Variants in NPY2R observed in about 807,000 individuals in gnomAD.
The protein encoded by NPY2R is neuropeptide Y receptor Y2.
In NPY2R, 17 loss-of-function variants were observed where a neutral mutation model predicts 22.3. The ratio of observed to expected loss-of-function variants is 0.76; its 90% CI spans 0.52 to 1.14. NPY2R has a LOEUF of 1.14. Ranked by LOEUF, NPY2R falls within the 50% of genes most tolerant of loss-of-function variation. The probability of loss-of-function intolerance (pLI) is 0.00; values close to 1 mark genes in which losing one functional copy is unlikely to be tolerated. For synonymous variants in NPY2R, 209 were observed against 183.4 expected, an observed-to-expected ratio of 1.14 and a Z score of -1.13; for missense variants, 424 against 467.9, an observed-to-expected ratio of 0.91 and a Z score of 0.87.
the NPY2R span, among the ~76,000 whole-genome samples, chr4:155,189,502 A>G: frequency 2.0e-5 from 3 of 152,010 alleles, no homozygotes; most frequent in Admixed American, 2.0e-4. Context: ...ACCTTGTGAC[A>G]TAATTAATTT....
the NPY2R span, among the ~76,000 whole-genome samples, chr4:155,176,905 A>C: frequency 1.3e-5 from 2 of 152,120 alleles, no homozygotes; most frequent in African/African-American, 4.8e-5. Flanking sequence ...GAGGATGAAC[A>C]CTGTGTTCCC....
chr4:155,174,484 A>ATAT, the NPY2R span, among the ~76,000 whole-genome samples: 270 of 106,074 alleles, frequency 2.5e-3, 3 homozygotes, highest in African/African-American at 7.7e-3. Context: ...ATATATATAT[A>ATAT]TTTTTTTTTT....
chr4:155,180,245 C>A, the NPY2R span, among the ~76,000 whole-genome samples: 4 of 152,214 alleles, frequency 2.6e-5, no homozygotes, highest in East Asian at 1.9e-4. Flanking sequence ...CACATGGAAG[C>A]AGAAATGCTG....
the NPY2R span, among the ~76,000 whole-genome samples, chr4:155,203,100 G>T: frequency 6.6e-6 from 1 of 152,066 alleles, no homozygotes; most frequent in Non-Finnish European, 1.5e-5. Context: ...TCAGCAACAT[G>T]CTGCATATGT....
At chr4:155,200,355 A>T in the NPY2R span, among the ~76,000 whole-genome samples, 2 of 147,680 alleles carry the variant, frequency 1.4e-5, no homozygotes, top group East Asian at 2.0e-4. Flanking sequence ...GTTAAGAAAC[A>T]ATAGATGCTG....
chr4:155,203,898 C>T (rs1729235336), upstream of NPY2R, among the ~76,000 whole-genome samples: 1 of 152,064 alleles, frequency 6.6e-6, no homozygotes, highest in Admixed American at 6.6e-5. Flanking sequence ...TTTGTTTAAC[C>T]TAAGAAGTTA....
the NPY2R span, among the ~76,000 whole-genome samples, chr4:155,199,671 A>G: frequency 6.6e-6 from 1 of 152,118 alleles, no homozygotes; most frequent in Non-Finnish European, 1.5e-5. Flanking sequence ...AAACAGAAAT[A>G]TAGACCAATG....
the NPY2R span, among the ~76,000 whole-genome samples, chr4:155,199,539 A>G: frequency 3.3e-5 from 5 of 152,148 alleles, no homozygotes; most frequent in African/African-American, 9.7e-5. Context: ...TATGGAACCA[A>G]AAAAGAGCCC....
chr4:155,196,825 A>G, the NPY2R span, among the ~76,000 whole-genome samples: 26 of 151,998 alleles, frequency 1.7e-4, no homozygotes, highest in South Asian at 3.3e-3. Flanking sequence ...ACCTCCGGTG[A>G]TTCTAATGTG....
At position 155,215,316 on chromosome 4, in the gene NPY2R, G is replaced by A. The variant is rs1032740059; in HGVS notation, c.*231G>A. 3.0e-5 allele frequency: 18 copies of A among 610,136 alleles called. 1 individual carries two copies. The South Asian group carries it at 3.2e-4, about 11-fold the overall frequency. The allele number at this position is 610,136 out of a possible 1,614,324, so 37.8% of individuals were successfully genotyped here. A position where few individuals can be genotyped will look rare whatever the true frequency, so the allele number is the denominator to read the frequency against. ...TACTTAACAGTTGGTTGGGTAGTAG[G>A]TTGCATTATGAGTAAAAGCAGAGAG... On this transcript the variant is annotated 3_prime_UTR_variant, in exon 2 of 2. Transcript: ENST00000329476.
the NPY2R span, among the ~76,000 whole-genome samples, chr4:155,201,182 C>T: frequency 2.6e-5 from 4 of 152,186 alleles, no homozygotes; most frequent in Admixed American, 2.6e-4. Context: ...TATTCCTCTT[C>T]TCCCTTTGTA....
At chr4:155,200,610 C>T in the NPY2R span, among the ~76,000 whole-genome samples, 8,604 of 152,106 alleles carry the variant, frequency 0.057, 513 homozygotes, top group African/African-American at 0.16. Flanking sequence ...ACCCAAATGT[C>T]CATGAATGAT....
the NPY2R span, among the ~76,000 whole-genome samples, chr4:155,199,835 A>C: frequency 2.0e-5 from 3 of 152,278 alleles, no homozygotes; most frequent in South Asian, 6.2e-4. Flanking sequence ...CCCCTTCCTT[A>C]CACCTTATAC....
intron 1 of NPY2R, among the ~76,000 whole-genome samples, chr4:155,210,924 T>C (rs539226882): frequency 2.6e-5 from 4 of 152,294 alleles, no homozygotes; most frequent in African/African-American, 9.6e-5. Flanking sequence ...TTATGGGTTA[T>C]ACTGACAATT....
upstream of NPY2R, chr4:155,208,248 A>T (rs1298941084): frequency 6.6e-6 from 1 of 152,166 alleles, no homozygotes; most frequent in Non-Finnish European, 1.5e-5. The surrounding 1 kb of genome is among the most constrained non-coding windows in gnomAD (Gnocchi z 5.6). Context: ...AGGCGCGGGG[A>T]TTCTCCAGCC....
chr4:155,207,377 C>T (rs1474642668), upstream of NPY2R: 1 of 152,050 alleles, frequency 6.6e-6, no homozygotes, highest in East Asian at 1.9e-4. Flanking sequence ...AGAGAAATTC[C>T]AAGCACACCA....
Position 155,215,344 on chromosome 4 carries a change from G to A in NPY2R, c.*259G>A, listed in dbSNP as rs1729494161. The A allele has an allele frequency of 1.8e-6, 1 of 556,494 alleles. No homozygotes were observed. The highest frequency in any genetic ancestry group is 3.1e-5 in the Admixed American group (1 of 32,284). 34.5% of individuals were successfully genotyped at this position (556,494 alleles called of 1,614,324 possible). A position where few individuals can be genotyped will look rare whatever the true frequency, so the allele number is the denominator to read the frequency against. ...GCATTATGAGTAAAAGCAGAGAGAA[G>A]TACTTTTGATTATTTTCCTGGAGTG... On this transcript the variant is annotated 3_prime_UTR_variant, in exon 2 of 2. Coordinates refer to ENST00000329476, the MANE Select transcript of NPY2R (RefSeq NM_000910.4).
chr4:155,212,958 A>T lies in NPY2R; in HGVS notation c.-48-934A>T, dbSNP rs115789027. Among the ~76,000 whole-genome samples the T allele has an allele frequency of 2.6e-3, 397 of 152,372 alleles. 2 individuals carry two copies. Among genetic ancestry groups the T allele is most frequent in the Middle Eastern group, 0.01 (3 of 294 alleles). On this transcript the variant is annotated intron_variant, in intron 1 of 1. Coordinates refer to ENST00000329476, the MANE Select transcript of NPY2R (RefSeq NM_000910.4). ...ATGGAATACTACTCAGCTGTAAAAA[A>T]GAATGATATGATGTCTTTTGCAACA...
the NPY2R span, among the ~76,000 whole-genome samples, chr4:155,177,238 T>C: frequency 6.6e-6 from 1 of 152,204 alleles, no homozygotes; most frequent in Admixed American, 6.5e-5. Flanking sequence ...CAAAGGTGTG[T>C]TTCTTTCTTA....
Sources: gnomAD v4.1 joint callset for allele counts (sites outside exome capture counted in the v4.1 genomes callset) on GRCh38, gnomAD v4.1.1 for gene constraint, Gnocchi (gnomAD v3.1) non-coding constraint, MANE v1.5 for transcripts, NCBI Gene and HGNC (gene_info 2026-07-23, HGNC 2026-07-21) for gene names.